PTPN2: variants seen among roughly 807,000 people sequenced by gnomAD.
PTPN2 encodes tyrosine-protein phosphatase non-receptor type 2.
In PTPN2, 19 loss-of-function variants were observed where a neutral mutation model predicts 57.3. The ratio of observed to expected loss-of-function variants is 0.33; its 90% CI spans 0.23 to 0.49. The LOEUF (loss-of-function observed/expected upper bound fraction) is 0.49, where lower values mean the gene tolerates loss of function less well. PTPN2 is among the 20% of genes least tolerant of loss of function. The probability of loss-of-function intolerance (pLI) is 0.99; values close to 1 mark genes in which losing one functional copy is unlikely to be tolerated. For synonymous variants in PTPN2, 153 were observed against 164.9 expected (o/e 0.93, Z 0.55); for missense variants, 358 against 501.1 (o/e 0.71, Z 2.73).
chr18:12,883,382 A>G (rs1033915264), intron 1 of PTPN2, among the ~76,000 whole-genome samples: 1 of 152,198 alleles, frequency 6.6e-6, no homozygotes, highest in Non-Finnish European at 1.5e-5. Flanking sequence ...CCACGGGGGA[A>G]AATGAAGACG....
At chr18:12,805,177 C>G (rs937982226) in intron 7 of PTPN2, among the ~76,000 whole-genome samples, 1 of 152,096 alleles carries the variant, frequency 6.6e-6, no homozygotes, top group African/African-American at 2.4e-5. Flanking sequence ...AACATAGCGG[C>G]TGGGCGTGGT....
intron 2 of PTPN2, among the ~76,000 whole-genome samples, chr18:12,846,895 C>A (rs1416892969): frequency 6.6e-6 from 1 of 152,138 alleles, no homozygotes; most frequent in Non-Finnish European, 1.5e-5. Context: ...AAGGACATTA[C>A]CACCTTTACT....
At chr18:12,798,430 G>A (rs2041276089) in intron 8 of PTPN2, among the ~76,000 whole-genome samples, 1 of 151,798 alleles carries the variant, frequency 6.6e-6, no homozygotes, top group South Asian at 2.1e-4. Flanking sequence ...CCTCCGACAG[G>A]CCCCCAGTGT....
At chr18:12,816,661 T>G (rs896578643) in intron 6 of PTPN2, among the ~76,000 whole-genome samples, 9 of 152,152 alleles carry the variant, frequency 5.9e-5, no homozygotes, top group African/African-American at 2.2e-4. Flanking sequence ...GACAGGAACC[T>G]CAGGGGAGTA....
downstream of PTPN2, chr18:12,792,058 T>C (rs1238663429): frequency 4.0e-6 from 1 of 252,044 alleles, no homozygotes; most frequent in African/African-American, 2.3e-5. Context: ...TCAACACAGG[T>C]TTAATGCAGA....
chr18:12,832,053 T>C (rs1473589274), intron 3 of PTPN2, among the ~76,000 whole-genome samples: 1 of 151,916 alleles, frequency 6.6e-6, no homozygotes, highest in Non-Finnish European at 1.5e-5. Context: ...GAGTCAGGAG[T>C]GGGGGCTAGG....
intron 2 of PTPN2, chr18:12,840,735 C>T: frequency 6.3e-7 from 1 of 1,598,504 alleles, no homozygotes; most frequent in Non-Finnish European, 8.5e-7. Context: ...ATTCTGCATT[C>T]CATGTCTCCC....
At chr18:12,863,776 A>T (rs2043898907) in intron 1 of PTPN2, 1 of 152,182 alleles carries the variant, frequency 6.6e-6, no homozygotes, top group Non-Finnish European at 1.5e-5. Context: ...ACCAAACTAG[A>T]TCTAAATGGC....
chr18:12,868,939 T>C (rs1349973851), intron 1 of PTPN2: 3 of 152,062 alleles, frequency 2.0e-5, no homozygotes, highest in African/African-American at 4.8e-5. Flanking sequence ...CACTTGACAT[T>C]AGGAGTTTGA....
chr18:12,868,627 T>A (rs1382736994), intron 1 of PTPN2, among the ~76,000 whole-genome samples: 1 of 151,502 alleles, frequency 6.6e-6, no homozygotes, highest in African/African-American at 2.4e-5. Context: ...TAACAACTCT[T>A]TCTTTTTAAA....
intron 1 of PTPN2, among the ~76,000 whole-genome samples, chr18:12,878,949 T>A (rs1286345455): frequency 5.9e-5 from 9 of 152,244 alleles, no homozygotes; most frequent in Non-Finnish European, 1.3e-4. Context: ...TCCCCAGTTT[T>A]AGTCTTTTCC....
intron 7 of PTPN2, among the ~76,000 whole-genome samples, chr18:12,809,168 C>T (rs559114428): frequency 1.8e-4 from 27 of 152,312 alleles, no homozygotes; most frequent in African/African-American, 6.5e-4. Context: ...GATGGCAACA[C>T]AAACCAGGAT....
intron 1 of PTPN2, among the ~76,000 whole-genome samples, chr18:12,875,317 TAA>T (rs10654132): frequency 1.4e-5 from 2 of 145,118 alleles, no homozygotes; most frequent in African/African-American, 2.5e-5. Flanking sequence ...AAATAAAAAT[TAA>T]AAAAAAAAAA....
At chr18:12,855,553 T>C (rs1176780919) in intron 2 of PTPN2, among the ~76,000 whole-genome samples, 1 of 152,114 alleles carries the variant, frequency 6.6e-6, no homozygotes, top group African/African-American at 2.4e-5. Flanking sequence ...TGTTTCCTGA[T>C]TTTTACAATT....
chr18:12,840,714 C>T (rs1203179816), intron 2 of PTPN2: 2 of 1,598,292 alleles, frequency 1.3e-6, no homozygotes, highest in East Asian at 2.2e-5. Context: ...AAGAGATTAC[C>T]TATTTCCTGC....
chr18:12,809,742 C>A (rs2041826355), intron 7 of PTPN2, among the ~76,000 whole-genome samples: 1 of 152,158 alleles, frequency 6.6e-6, no homozygotes, highest in Non-Finnish European at 1.5e-5. Flanking sequence ...AATATTCATT[C>A]CCTGGAGTTA....
At chr18:12,822,881 A>G (rs2042317980) in intron 5 of PTPN2, among the ~76,000 whole-genome samples, 1 of 152,224 alleles carries the variant, frequency 6.6e-6, no homozygotes, top group African/African-American at 2.4e-5. Context: ...CCGCACCATC[A>G]TGATATTAAC....
rs187303689 is a variant in PTPN2 at position 12,796,937 on chromosome 18, G to C, written c.1041-2452C>G. Reference sequence around the variant, plus strand: ...TATTCTGCAACTTGAGGACAGACTGGGTTTTGCTATCTTTGTTCATCTTAT... The same window carrying C: ...TATTCTGCAACTTGAGGACAGACTGCGTTTTGCTATCTTTGTTCATCTTAT... On this transcript the variant is annotated intron_variant, in intron 8 of 8. Coordinates refer to ENST00000309660, the MANE Select transcript of PTPN2 (RefSeq NM_002828.4). Among the ~76,000 whole-genome samples, 5 of 152,018 alleles carry C rather than the reference G, an allele frequency of 3.3e-5. 1 individual carries two copies. The South Asian group carries it at 1.0e-3, about 32-fold the overall frequency.
intron 2 of PTPN2, among the ~76,000 whole-genome samples, chr18:12,838,995 T>G (rs1271708228): frequency 6.6e-6 from 1 of 151,572 alleles, no homozygotes; most frequent in Non-Finnish European, 1.5e-5. Context: ...AAACAAAAAT[T>G]GAAAAAGATT....
Sources: allele counts gnomAD v4.1 joint callset (sites outside exome capture counted in the v4.1 genomes callset), GRCh38; gene constraint gnomAD v4.1.1; transcripts MANE v1.5; gene names NCBI Gene and HGNC (gene_info 2026-07-23, HGNC 2026-07-21).